Variants in NRXN3 observed in about 807,000 individuals in gnomAD.
NRXN3 encodes neurexin III.
A neutral mutation model predicts 137.6 loss-of-function variants in NRXN3; 32 were observed. That is an observed-to-expected ratio of 0.23 (90% CI 0.18 to 0.31). The LOEUF is 0.31. Ranked by LOEUF, NRXN3 falls within the 10% of genes least tolerant of loss-of-function variation. The pLI is 1.00. For missense variants in NRXN3, 1,574 were observed against 2,062.5 expected, an observed-to-expected ratio of 0.76 and a Z score of 4.59; for synonymous variants, 798 against 784.5, an observed-to-expected ratio of 1.02 and a Z score of -0.29.
intron 2 of NRXN3, among the ~76,000 whole-genome samples, chr14:78,269,578 G>A (rs952689460): frequency 2.0e-5 from 3 of 152,176 alleles, no homozygotes; most frequent in Non-Finnish European, 4.4e-5. Context: ...CTTAAAGATG[G>A]TTATGATGGT....
intron 11 of NRXN3, among the ~76,000 whole-genome samples, chr14:78,962,562 A>T (rs147881923): frequency 1.8e-4 from 28 of 152,276 alleles, no homozygotes; most frequent in Middle Eastern, 6.8e-3. Context: ...TTAAAAAAAA[A>T]ATATTTGGTT....
intron 15 of NRXN3, among the ~76,000 whole-genome samples, chr14:78,995,035 T>C (rs919668112): frequency 6.6e-6 from 1 of 152,194 alleles, no homozygotes; most frequent in Non-Finnish European, 1.5e-5. Context: ...ACATTCTTAT[T>C]CGATTTGCTG....
At chr14:79,854,247 CT>C (rs2099397836) in intron 20 of NRXN3, 4 of 601,878 alleles carry the variant, frequency 6.6e-6, no homozygotes, top group Non-Finnish European at 8.3e-6. Flanking sequence ...ATATGGTATG[CT>C]TTTTTAGTTT....
At chr14:78,592,560 A>T (rs2097126435) in intron 4 of NRXN3, among the ~76,000 whole-genome samples, 1 of 152,152 alleles carries the variant, frequency 6.6e-6, no homozygotes, top group Non-Finnish European at 1.5e-5. Flanking sequence ...CAACTGAGGG[A>T]TGAACGGTGA....
At chr14:78,536,596 C>G (rs2096537733) in intron 4 of NRXN3, among the ~76,000 whole-genome samples, 1 of 147,122 alleles carries the variant, frequency 6.8e-6, no homozygotes, top group Non-Finnish European at 1.5e-5. Flanking sequence ...CTGAGACCTA[C>G]AGATTATTTT....
At chr14:78,608,991 AGCTAT>A (rs992259610) in intron 4 of NRXN3, among the ~76,000 whole-genome samples, 19 of 152,098 alleles carry the variant, frequency 1.2e-4, no homozygotes, top group African/African-American at 3.6e-4. Flanking sequence ...ATATTTGGGA[AGCTAT>A]GGGTGGGTTA....
At chr14:78,856,787 G>A (rs2099058426) in intron 10 of NRXN3, among the ~76,000 whole-genome samples, 1 of 152,160 alleles carries the variant, frequency 6.6e-6, no homozygotes, top group African/African-American at 2.4e-5. Flanking sequence ...AGGCCGGAGT[G>A]CAATGGTGTG....
At chr14:78,413,989 A>T (rs1318157041) in intron 4 of NRXN3, among the ~76,000 whole-genome samples, 1 of 152,148 alleles carries the variant, frequency 6.6e-6, no homozygotes, top group Non-Finnish European at 1.5e-5. Flanking sequence ...GTCGTTTTAT[A>T]AAAGAGAGTT....
intron 15 of NRXN3, among the ~76,000 whole-genome samples, chr14:79,066,318 T>C (rs920216604): frequency 6.6e-6 from 1 of 152,152 alleles, no homozygotes; most frequent in Non-Finnish European, 1.5e-5. Flanking sequence ...GTCTTATGTC[T>C]GAGTTCTCTG....
intron 4 of NRXN3, among the ~76,000 whole-genome samples, chr14:78,334,949 A>G (rs2081281764): frequency 6.6e-6 from 1 of 152,204 alleles, no homozygotes; most frequent in Non-Finnish European, 1.5e-5. Context: ...AGTTTGGACC[A>G]GAGAATCGCT....
At chr14:79,157,911 A>G (rs113518381) in intron 15 of NRXN3, among the ~76,000 whole-genome samples, 2 of 151,918 alleles carry the variant, frequency 1.3e-5, no homozygotes, top group African/African-American at 2.4e-5. Flanking sequence ...CTTTTCACCT[A>G]TTGCCATTTG....
chr14:78,200,630 G>T (rs1482923376), intron 1 of NRXN3, among the ~76,000 whole-genome samples: 1 of 152,208 alleles, frequency 6.6e-6, no homozygotes, highest in Non-Finnish European at 1.5e-5. Context: ...GACAGATCTT[G>T]CAGCTCTCAG....
At chr14:79,808,232 C>T (rs117882870) in intron 20 of NRXN3, among the ~76,000 whole-genome samples, 7,278 of 117,926 alleles carry the variant, frequency 0.062, 202 homozygotes, top group Middle Eastern at 0.07. Context: ...GTGAGACTCT[C>T]TCTCAATTAA....
At chr14:78,191,455 C>T (rs183847773) in intron 1 of NRXN3, among the ~76,000 whole-genome samples, 8 of 152,274 alleles carry the variant, frequency 5.3e-5, no homozygotes, top group South Asian at 2.1e-4. Context: ...GAGGGACAGA[C>T]GGGCCAACAT....
At chr14:78,530,222 C>A (rs1217324434) in intron 4 of NRXN3, among the ~76,000 whole-genome samples, 1 of 152,014 alleles carries the variant, frequency 6.6e-6, no homozygotes, top group Non-Finnish European at 1.5e-5. Context: ...TTAAACAGGC[C>A]CAGAGTCAGC....
chr14:79,242,507 T>C (rs1289722209), intron 15 of NRXN3, among the ~76,000 whole-genome samples: 2 of 152,196 alleles, frequency 1.3e-5, no homozygotes, highest in African/African-American at 4.8e-5. Context: ...GGCTACCCTC[T>C]GGGTTCCATT....
chr14:79,265,736 C>T (rs2078365901), intron 15 of NRXN3, among the ~76,000 whole-genome samples: 1 of 152,096 alleles, frequency 6.6e-6, no homozygotes, highest in Non-Finnish European at 1.5e-5. Flanking sequence ...ACAATGACTC[C>T]CTCTGTGATG....
chr14:79,152,622 C>A (rs778066053), intron 15 of NRXN3, among the ~76,000 whole-genome samples: 2 of 151,888 alleles, frequency 1.3e-5, no homozygotes, highest in Non-Finnish European at 2.9e-5. Context: ...TAGCAGCAGG[C>A]AAGAGAGCTT....
intron 6 of NRXN3, among the ~76,000 whole-genome samples, chr14:78,689,334 A>G (rs143406932): frequency 6.6e-6 from 1 of 152,320 alleles, no homozygotes; most frequent in Non-Finnish European, 1.5e-5. Context: ...TGGTATTTTA[A>G]TAATTCAGAG....
Sources: gnomAD v4.1 joint callset for allele counts (sites outside exome capture counted in the v4.1 genomes callset) on GRCh38, gnomAD v4.1.1 for gene constraint, MANE v1.5 for transcripts, NCBI Gene and HGNC (gene_info 2026-07-23, HGNC 2026-07-21) for gene names.